Variants in CNTN5 observed in about 807,000 individuals in gnomAD.
The protein encoded by CNTN5 is contactin 5.
In CNTN5, 77 loss-of-function variants were observed where a neutral mutation model predicts 129.1. The observed-to-expected ratio is 0.60, with a 90% confidence interval of 0.50 to 0.72. CNTN5 has a LOEUF of 0.72. CNTN5 is among the 30% of genes least tolerant of loss of function. The pLI, the probability that CNTN5 is intolerant of heterozygous loss-of-function variation, is 0.00. For synonymous variants in CNTN5, 509 were observed against 465.6 expected (o/e 1.09, Z -1.20); for missense variants, 1,478 against 1,328.8 (o/e 1.11, Z -1.75).
chr11:99,551,017 T>C (rs900156880), intron 2 of CNTN5, among the ~76,000 whole-genome samples: 2 of 152,146 alleles, frequency 1.3e-5, no homozygotes, highest in African/African-American at 2.4e-5. Flanking sequence ...AATGTACGTA[T>C]GAAATAACTG....
At chr11:99,881,088 T>C (rs1334405615) in intron 6 of CNTN5, among the ~76,000 whole-genome samples, 3 of 152,202 alleles carry the variant, frequency 2.0e-5, no homozygotes, top group East Asian at 1.9e-4. Context: ...CTATGATTTA[T>C]TGGAAATTCA....
intron 1 of CNTN5, among the ~76,000 whole-genome samples, chr11:99,111,948 T>C (rs1213489763): frequency 6.6e-6 from 1 of 152,082 alleles, no homozygotes; most frequent in African/African-American, 2.4e-5. Flanking sequence ...TGCAGTTCAC[T>C]AAGCATATTA....
At chr11:99,446,105 C>G (rs1333842559) in intron 2 of CNTN5, among the ~76,000 whole-genome samples, 2 of 143,362 alleles carry the variant, frequency 1.4e-5, no homozygotes, top group Non-Finnish European at 3.1e-5. Flanking sequence ...AAAAAAACAA[C>G]CAAACTTCCT....
intron 3 of CNTN5, among the ~76,000 whole-genome samples, chr11:99,747,528 C>G (rs370019445): frequency 2.8e-5 from 4 of 141,604 alleles, no homozygotes; most frequent in African/African-American, 1.1e-4. Flanking sequence ...TGCAGTGGCA[C>G]GATCCCTGCT....
At chr11:99,729,365 A>C (rs1943453196) in intron 3 of CNTN5, among the ~76,000 whole-genome samples, 1 of 152,098 alleles carries the variant, frequency 6.6e-6, no homozygotes, top group Admixed American at 6.5e-5. Context: ...AACTCATGTC[A>C]CGGGGGTTCG....
At chr11:99,462,978 C>T (rs569852670) in intron 2 of CNTN5, among the ~76,000 whole-genome samples, 147 of 151,960 alleles carry the variant, frequency 9.7e-4, no homozygotes, top group African/African-American at 3.3e-3. Flanking sequence ...TGCGGTGGCA[C>T]ATGCCTGTAG....
chr11:100,110,698 C>T (rs1180420302), intron 13 of CNTN5, among the ~76,000 whole-genome samples: 1 of 152,112 alleles, frequency 6.6e-6, no homozygotes, highest in Non-Finnish European at 1.5e-5. Flanking sequence ...TTGAAGGGCT[C>T]TGTATTTAAT....
chr11:100,175,069 G>C (rs747630265), intron 13 of CNTN5, among the ~76,000 whole-genome samples: 8 of 152,062 alleles, frequency 5.3e-5, no homozygotes, highest in African/African-American at 1.9e-4. Flanking sequence ...TAGGAAACAC[G>C]TGTCTTATCT....
At chr11:100,306,260 C>T (rs1459875268) in intron 20 of CNTN5, among the ~76,000 whole-genome samples, 1 of 151,546 alleles carries the variant, frequency 6.6e-6, no homozygotes, top group Non-Finnish European at 1.5e-5. Flanking sequence ...GGTTCCTGAA[C>T]ATTTTTATTT....
intron 6 of CNTN5, among the ~76,000 whole-genome samples, chr11:99,865,099 T>C (rs1185607696): frequency 1.3e-5 from 2 of 152,170 alleles, no homozygotes; most frequent in South Asian, 2.1e-4. Flanking sequence ...CTTCCATCTC[T>C]TTGTCTTGAG....
chr11:99,464,702 G>A (rs940826844), intron 2 of CNTN5, among the ~76,000 whole-genome samples: 3 of 152,118 alleles, frequency 2.0e-5, no homozygotes, highest in Admixed American at 6.5e-5. Context: ...AGTTGAAACT[G>A]TATACATTTG....
At chr11:99,461,046 G>C (rs562725556) in intron 2 of CNTN5, among the ~76,000 whole-genome samples, 1 of 152,174 alleles carries the variant, frequency 6.6e-6, no homozygotes, top group East Asian at 1.9e-4. Context: ...ATATTACTCA[G>C]CAATAAAGTT....
chr11:99,859,579 ACT>A (rs1436576301), intron 6 of CNTN5, among the ~76,000 whole-genome samples: 1 of 152,126 alleles, frequency 6.6e-6, no homozygotes, highest in Non-Finnish European at 1.5e-5. Context: ...TTTATCTCGT[ACT>A]TACAGGTGAG....
chr11:100,279,136 C>G (rs1950578465), intron 18 of CNTN5, among the ~76,000 whole-genome samples: 1 of 152,006 alleles, frequency 6.6e-6, no homozygotes, highest in East Asian at 1.9e-4. Context: ...ATTTGCCTTG[C>G]ATCCCAGGGA....
chr11:99,850,456 G>T (rs2135721594), intron 6 of CNTN5, among the ~76,000 whole-genome samples: 1 of 152,074 alleles, frequency 6.6e-6, no homozygotes, highest in South Asian at 2.1e-4. Context: ...TATAGCATTT[G>T]GAAAAATTAA....
At chr11:100,021,227 T>C (rs1941123225) in intron 9 of CNTN5, among the ~76,000 whole-genome samples, 1 of 152,198 alleles carries the variant, frequency 6.6e-6, no homozygotes, top group Admixed American at 6.6e-5. Context: ...ACTTGTCTTA[T>C]GACAAAGAAT....
rs192728253 is a variant in CNTN5, at chr11:99,788,868, G to C, written c.56-30676G>C. Among the ~76,000 whole-genome samples, 210 of 151,682 alleles carry C rather than the reference G, an allele frequency of 1.4e-3. 1 individual carries two copies. The highest frequency in any genetic ancestry group is 4.8e-3 in the African/African-American group (199 of 41,412). On this transcript the variant is annotated intron_variant, in intron 3 of 24. Coordinates refer to ENST00000524871, the MANE Select transcript of CNTN5 (RefSeq NM_014361.4). ...TACGGGGAATGCTTTTTATTAAGGG[G>C]GCTCAATTTCAGATTTCATCAGCAC...
chr11:100,040,601 G>A (rs1486196468), intron 9 of CNTN5, among the ~76,000 whole-genome samples: 2 of 152,232 alleles, frequency 1.3e-5, no homozygotes, highest in African/African-American at 2.4e-5. Context: ...GCCTCCTTGA[G>A]CTGTGGTGGG....
At chr11:99,466,231 G>T (rs2726389) in intron 2 of CNTN5, among the ~76,000 whole-genome samples, 30,304 of 151,944 alleles carry the variant, frequency 0.2, 3,354 homozygotes, top group Middle Eastern at 0.33. Context: ...TCACTTCTAC[G>T]AGAACAGCAA....
Sources: allele counts gnomAD v4.1 joint callset (sites outside exome capture counted in the v4.1 genomes callset), GRCh38; gene constraint gnomAD v4.1.1; transcripts MANE v1.5; gene names NCBI Gene and HGNC (gene_info 2026-07-23, HGNC 2026-07-21).